Variants in ARHGEF10L observed in about 807,000 individuals in gnomAD.
ARHGEF10L encodes Rho guanine nucleotide exchange factor 10 like, also known as rho guanine nucleotide exchange factor 10-like protein.
A neutral mutation model predicts 141.2 loss-of-function variants in ARHGEF10L; 69 were observed. The ratio of observed to expected loss-of-function variants is 0.49; its 90% CI spans 0.40 to 0.60. ARHGEF10L has a LOEUF of 0.60. Ranked by LOEUF, ARHGEF10L falls within the 20% of genes least tolerant of loss-of-function variation. The pLI, the probability that ARHGEF10L is intolerant of heterozygous loss-of-function variation, is 0.00. For synonymous variants in ARHGEF10L, 711 were observed against 718.5 expected, an observed-to-expected ratio of 0.99 and a Z score of 0.17; for missense variants, 1,482 against 1,734.3, an observed-to-expected ratio of 0.85 and a Z score of 2.58.
chr1:17,575,807 A>C (rs1032470799), intron 1 of ARHGEF10L, among the ~76,000 whole-genome samples: 1 of 152,208 alleles, frequency 6.6e-6, no homozygotes, highest in Non-Finnish European at 1.5e-5. Flanking sequence ...AGGTACGTGG[A>C]GGAGTTCTGG....
intron 26 of ARHGEF10L, among the ~76,000 whole-genome samples, chr1:17,677,723 G>A (rs1197238304): frequency 6.6e-6 from 1 of 152,216 alleles, no homozygotes; most frequent in African/African-American, 2.4e-5. Flanking sequence ...TGTGCAGTAG[G>A]TACTATTAAT....
At chr1:17,617,443 T>C (rs529439576) in intron 9 of ARHGEF10L, among the ~76,000 whole-genome samples, 41 of 152,264 alleles carry the variant, frequency 2.7e-4, no homozygotes, top group African/African-American at 9.4e-4. Context: ...GGGCCCCTGA[T>C]GTATTCCCAG....
the ARHGEF10L span, among the ~76,000 whole-genome samples, chr1:17,531,008 AAAAAAT>A: frequency 2.0e-5 from 3 of 152,256 alleles, no homozygotes; most frequent in East Asian, 1.9e-4. Flanking sequence ...CCATCTCAAA[AAAAAAT>A]AAAAATAAAA....
rs111680087 is a variant in ARHGEF10L at position 17,615,672 on chromosome 1, T to G, written c.727-422T>G. 3.0e-3 allele frequency: 491 copies of G among 166,220 alleles called. 6 individuals carry two copies. Among genetic ancestry groups the G allele is most frequent in the African/African-American group, 0.011 (468 of 42,226 alleles). 10.3% of individuals were successfully genotyped at this position (166,220 alleles called of 1,614,324 possible). ...CGGAATGTTTGGTGCTCACAGACCC[T>G]GGCAAGGATCGGTATTGCTGTTCCT... On this transcript the variant is annotated intron_variant, in intron 8 of 28. Transcript: ENST00000361221. The surrounding 1 kb of genome is among the most constrained non-coding windows in gnomAD (Gnocchi z 4.7).
chr1:17,673,078 G>A lies in ARHGEF10L; in HGVS notation c.3009+8483G>A, dbSNP rs965087844. Among the ~76,000 whole-genome samples the A allele has an allele frequency of 6.6e-6, 1 of 152,184 alleles. No homozygotes were observed. Among genetic ancestry groups the A allele is most frequent in the African/African-American group, 2.4e-5 (1 of 41,432 alleles). On this transcript the variant is annotated intron_variant, in intron 26 of 28. Coordinates refer to ENST00000361221, the MANE Select transcript of ARHGEF10L (RefSeq NM_018125.4). The surrounding 1 kb of genome is among the most constrained non-coding windows in gnomAD (Gnocchi z 4.1). ...AAGAAGTTGGTCGCTGATGGCTCAG[G>A]GAACAGGCTTGGTGAAGCCTGACCT...
chr1:17,605,651 G>A (rs1024125180), intron 6 of ARHGEF10L, among the ~76,000 whole-genome samples: 3 of 152,166 alleles, frequency 2.0e-5, no homozygotes, highest in African/African-American at 7.2e-5. Context: ...CTAATAGGAG[G>A]AGTGATCATT....
At chr1:17,638,085 G>A in intron 19 of ARHGEF10L, 82 bp downstream of exon 19, 4 of 1,277,328 alleles carry the variant, frequency 3.1e-6, no homozygotes, top group South Asian at 1.4e-5. Context: ...GTAGGGAGGG[G>A]CTCCTCTCCT....
intron 1 of ARHGEF10L, among the ~76,000 whole-genome samples, chr1:17,557,033 TAAAAAAAA>T (rs370811589): frequency 8.4e-6 from 1 of 119,082 alleles, no homozygotes; most frequent in African/African-American, 3.2e-5. Flanking sequence ...CTCCATCTCT[TAAAAAAAA>T]AAAAAAAAAA....
At chr1:17,539,237 G>A (rs1448387467), upstream of ARHGEF10L, among the ~76,000 whole-genome samples, 2 of 152,204 alleles carry the variant, frequency 1.3e-5, no homozygotes, top group Admixed American at 1.3e-4. This position sits in a 1 kb window ranked among gnomAD's most constrained non-coding sequence, Gnocchi z 6.0. Context: ...GGGGCAATAC[G>A]GGGCCGCCAA....
At chr1:17,617,877 G>A (rs959713381) in intron 9 of ARHGEF10L, among the ~76,000 whole-genome samples, 1 of 152,172 alleles carries the variant, frequency 6.6e-6, no homozygotes, top group African/African-American at 2.4e-5. Flanking sequence ...GTGCCAGGAC[G>A]GCCTCGTGCT....
Position 17,627,207 on chromosome 1 carries a change from G to C in ARHGEF10L, c.1411-123G>C. On this transcript the variant is annotated intron_variant, in intron 14 of 28. Coordinates refer to ENST00000361221, the MANE Select transcript of ARHGEF10L (RefSeq NM_018125.4). This position sits in a 1 kb window ranked among gnomAD's most constrained non-coding sequence, Gnocchi z 4.0. Reference sequence around the variant, plus strand: ...TCTGCATCTGGTGCCATCTGTCCTGGCCTCAGGCCGGGCCCTTTGCAGACC... The same window carrying C: ...TCTGCATCTGGTGCCATCTGTCCTGCCCTCAGGCCGGGCCCTTTGCAGACC... 1 of 1,167,024 alleles carries C rather than the reference G, an allele frequency of 8.6e-7. No individual in the cohort carries two copies. The highest frequency in any genetic ancestry group is 1.2e-6 in the Non-Finnish European group (1 of 818,306). 72.3% of individuals were successfully genotyped at this position (1,167,024 alleles called of 1,614,324 possible). A position where few individuals can be genotyped will look rare whatever the true frequency, so the allele number is the denominator to read the frequency against.
At chr1:17,686,250 G>T (rs766727621) in intron 26 of ARHGEF10L, among the ~76,000 whole-genome samples, 9 of 152,142 alleles carry the variant, frequency 5.9e-5, no homozygotes, top group Non-Finnish European at 1.2e-4. Flanking sequence ...GGGGATTTGG[G>T]TTGTTTCTAG....
intron 26 of ARHGEF10L, among the ~76,000 whole-genome samples, chr1:17,677,018 G>C (rs1571482656): frequency 6.6e-6 from 1 of 152,130 alleles, no homozygotes; most frequent in East Asian, 2.0e-4. Flanking sequence ...GCATCTCCCT[G>C]GCCGTGCTGT....
rs1163190858 is a variant in ARHGEF10L, at chr1:17,644,459, G to A, written c.2273-4095G>A. Among the ~76,000 whole-genome samples, 4 of 152,206 alleles carry A rather than the reference G, an allele frequency of 2.6e-5. No homozygotes were observed. The highest frequency in any genetic ancestry group is 2.1e-4 in the South Asian group (1 of 4,828). ...GGCCGAGGGCGTGGCCTTGGAGTCC[G>A]ACCCTGGTTTTACCCCAGCTGGGAG... On this transcript the variant is annotated intron_variant, in intron 21 of 28. Transcript: ENST00000361221. This position sits in a 1 kb window ranked among gnomAD's most constrained non-coding sequence, Gnocchi z 4.5.
At position 17,600,710 on chromosome 1, in the gene ARHGEF10L, G is replaced by T. The variant is rs138149805; in HGVS notation, c.258-1417G>T. Among the ~76,000 whole-genome samples, 33 of 152,256 alleles carry T rather than the reference G, an allele frequency of 2.2e-4. No individual in the cohort carries two copies. The East Asian group carries it at 6.2e-3, about 29-fold the overall frequency. Reference sequence around the variant, plus strand: ...ATGTCTCTGTAGCCTGCTCCAGCCCGTGGCAGTTTCTCAGTCTTTCCTTGA... The same window carrying T: ...ATGTCTCTGTAGCCTGCTCCAGCCCTTGGCAGTTTCTCAGTCTTTCCTTGA... On this transcript the variant is annotated intron_variant, in intron 4 of 28. Transcript: ENST00000361221.
At chr1:17,518,075 A>G in the ARHGEF10L span, among the ~76,000 whole-genome samples, 1 of 152,204 alleles carries the variant, frequency 6.6e-6, no homozygotes, top group Non-Finnish European at 1.5e-5. Flanking sequence ...TCGCTGATCA[A>G]ATGTGTTGTT....
chr1:17,569,066 T>G (rs1378747992), intron 1 of ARHGEF10L, among the ~76,000 whole-genome samples: 1 of 152,230 alleles, frequency 6.6e-6, no homozygotes, highest in Non-Finnish European at 1.5e-5. Flanking sequence ...GGATCCACCT[T>G]TGATCAGATT....
intron 26 of ARHGEF10L, among the ~76,000 whole-genome samples, chr1:17,676,249 CGTGGGTGCAGGT>C (rs1000646505): frequency 7.4e-5 from 8 of 107,532 alleles, no homozygotes; most frequent in Admixed American, 4.9e-4. Flanking sequence ...TGGGTGCAGG[CGTGGGTGCAGGT>C]GTGGGTGCAG....
intron 15 of ARHGEF10L, among the ~76,000 whole-genome samples, chr1:17,628,279 G>GA (rs1443988747): frequency 2.0e-5 from 3 of 152,208 alleles, no homozygotes; most frequent in Non-Finnish European, 2.9e-5. Flanking sequence ...GCAGTGAACC[G>GA]AGATTGTGCC....
Sources: gnomAD v4.1 joint callset for allele counts (sites outside exome capture counted in the v4.1 genomes callset) on GRCh38, gnomAD v4.1.1 for gene constraint, Gnocchi (gnomAD v3.1) non-coding constraint, MANE v1.5 for transcripts, NCBI Gene and HGNC (gene_info 2026-07-23, HGNC 2026-07-21) for gene names.